GAREM1: variants seen among roughly 807,000 people sequenced by gnomAD.
GAREM1 encodes GRB2-associated and regulator of MAPK protein 1.
GAREM1 carries 26 observed loss-of-function variants against 71.3 expected under a neutral mutation model. The observed-to-expected ratio is 0.36, with a 90% CI of 0.27 to 0.51. The LOEUF (loss-of-function observed/expected upper bound fraction) is 0.51, where lower values mean the gene tolerates loss of function less well. GAREM1 is among the 20% of genes least tolerant of loss of function. The pLI, the probability that GAREM1 is intolerant of heterozygous loss-of-function variation, is 0.95. For missense variants in GAREM1, 1,026 were observed against 1,103.1 expected, an observed-to-expected ratio of 0.93 and a Z score of 0.99; for synonymous variants, 440 against 433.2, an observed-to-expected ratio of 1.02 and a Z score of -0.20.
At chr18:32,295,011 A>G (rs2047126480) in intron 3 of GAREM1, among the ~76,000 whole-genome samples, 1 of 152,116 alleles carries the variant, frequency 6.6e-6, no homozygotes, top group South Asian at 2.1e-4. Context: ...ATTTTAATAA[A>G]AATGTTGATT....
intron 2 of GAREM1, among the ~76,000 whole-genome samples, chr18:32,334,303 G>A (rs927253167): frequency 3.3e-5 from 5 of 151,972 alleles, no homozygotes; most frequent in East Asian, 1.9e-4. Flanking sequence ...AGATTCTACC[G>A]GCAACAGCTT....
At chr18:32,329,938 A>G (rs1198246234) in intron 2 of GAREM1, among the ~76,000 whole-genome samples, 1 of 152,108 alleles carries the variant, frequency 6.6e-6, no homozygotes, top group Non-Finnish European at 1.5e-5. Flanking sequence ...GCATGAGGAC[A>G]TTTGTGGCAG....
At chr18:32,460,278 A>G (rs2048943324) in intron 1 of GAREM1, among the ~76,000 whole-genome samples, 1 of 152,218 alleles carries the variant, frequency 6.6e-6, no homozygotes, top group South Asian at 2.1e-4. Context: ...ACCAAGCTTA[A>G]TCATAACAAT....
intron 2 of GAREM1, among the ~76,000 whole-genome samples, chr18:32,314,090 GTTT>G (rs59416892): frequency 7.0e-6 from 1 of 141,940 alleles, no homozygotes. Flanking sequence ...GACAAAAAAA[GTTT>G]TTTTTTTTTT....
intron 2 of GAREM1, among the ~76,000 whole-genome samples, chr18:32,318,688 G>C (rs912210580): frequency 7.9e-5 from 12 of 152,198 alleles, no homozygotes; most frequent in Admixed American, 7.9e-4. Flanking sequence ...GCCCTCTTTT[G>C]CAGCTGTAGT....
At chr18:32,384,186 T>C (rs531755519) in intron 2 of GAREM1, among the ~76,000 whole-genome samples, 82 of 152,176 alleles carry the variant, frequency 5.4e-4, no homozygotes, top group Non-Finnish European at 1.1e-3. Flanking sequence ...CTGGGAGCAA[T>C]CAGGTTTCCA....
Position 32,265,713 on chromosome 18 carries a change from C to T in GAREM1, c.*2158G>A, listed in dbSNP as rs1212453017. 4 of 151,962 alleles carry T rather than the reference C, an allele frequency of 2.6e-5. No homozygotes were observed. Among genetic ancestry groups the T allele is most frequent in the African/African-American group, 7.3e-5 (3 of 41,302 alleles). The allele number at this position is 151,962 out of a possible 1,614,324, so 9.4% of individuals were successfully genotyped here. A position where few individuals can be genotyped will look rare whatever the true frequency, so the allele number is the denominator to read the frequency against. ...AAAGTTTTTACAAAAAGAAAAAAAACGCTAAAAGGAGTCAGTTGTTTATGT... is the reference window on the plus strand; with the variant it reads ...AAAGTTTTTACAAAAAGAAAAAAAATGCTAAAAGGAGTCAGTTGTTTATGT... On this transcript the variant is annotated 3_prime_UTR_variant, in exon 6 of 6. Transcript: ENST00000269209.
chr18:32,311,153 G>T (rs1163539315), intron 2 of GAREM1, among the ~76,000 whole-genome samples: 2 of 152,154 alleles, frequency 1.3e-5, no homozygotes, highest in Non-Finnish European at 2.9e-5. Flanking sequence ...CTGTGACCCT[G>T]CTACAACATT....
chr18:32,286,321 A>AGTGTGTGTGT lies in GAREM1; in HGVS notation c.1566+700_1566+709dup, dbSNP rs140225815. 2.8e-3 allele frequency among the ~76,000 whole-genome samples: 398 copies of AGTGTGTGTGT among 143,222 alleles called. 3 individuals carry two copies. Among genetic ancestry groups the AGTGTGTGTGT allele is most frequent in the Non-Finnish European group, 3.7e-3 (241 of 64,508 alleles). The allele number at this position is 143,222 out of a possible 152,430, so 94.0% of individuals were successfully genotyped here. On this transcript the variant is annotated intron_variant, in intron 4 of 5. Transcript: ENST00000269209. ...GAACTACCCTGGCACCTGGTTCTGG[A>AGTGTGTGTGT]GTGTGTGTGTGTGTGTGTGTGTGTG...
chr18:32,413,503 G>C (rs1023562865), intron 1 of GAREM1, among the ~76,000 whole-genome samples: 2 of 152,048 alleles, frequency 1.3e-5, no homozygotes, highest in African/African-American at 4.8e-5. Context: ...GGGTTGCCCT[G>C]AAGACAGTGG....
chr18:32,311,364 C>T (rs2047320728), intron 2 of GAREM1, among the ~76,000 whole-genome samples: 1 of 152,144 alleles, frequency 6.6e-6, no homozygotes, highest in African/African-American at 2.4e-5. Context: ...AATTTTTTAG[C>T]ATCTACTAGG....
rs568622434 is a variant in GAREM1 at position 32,264,222 on chromosome 18, T to C, written c.*3649A>G. The stretch of plus-strand genomic sequence containing the variant: ...ACTTGAAAGATAGTGGAAATTGATA[T>C]AAGAGGCATGTTTCTGAAAGCCCCC... On this transcript the variant is annotated 3_prime_UTR_variant, in exon 6 of 6. Coordinates refer to ENST00000269209, the MANE Select transcript of GAREM1 (RefSeq NM_001242409.2). The C allele has an allele frequency of 2.2e-4, 33 of 152,354 alleles. No homozygotes were observed. The highest frequency in any genetic ancestry group is 7.9e-4 in the African/African-American group (33 of 41,582). The allele number at this position is 152,354 out of a possible 1,614,324, so 9.4% of individuals were successfully genotyped here. A position where few individuals can be genotyped will look rare whatever the true frequency, so the allele number is the denominator to read the frequency against.
rs2048991413 is a variant in GAREM1 at position 32,465,562 on chromosome 18, GTCTCC to G, written c.121+4741_121+4745del. On this transcript the variant is annotated intron_variant, in intron 1 of 5. Transcript: ENST00000269209. ...CTGCTCCTGTTCTACCTACTTAGCA[GTCTCC>G]TACTCTTTTTCTTCCCTCTCCCTGC... Among the ~76,000 whole-genome samples, 3 of 152,288 alleles carry G rather than the reference GTCTCC, an allele frequency of 2.0e-5. No individual in the cohort carries two copies. The South Asian group carries it at 6.2e-4, about 32-fold the overall frequency.
chr18:32,354,052 C>A (rs2047780818), intron 2 of GAREM1, among the ~76,000 whole-genome samples: 1 of 152,122 alleles, frequency 6.6e-6, no homozygotes, highest in African/African-American at 2.4e-5. Context: ...AGATAACATA[C>A]ATAAATAATT....
intron 1 of GAREM1, among the ~76,000 whole-genome samples, chr18:32,426,133 C>T (rs564245305): frequency 6.6e-6 from 1 of 152,326 alleles, no homozygotes; most frequent in Admixed American, 6.5e-5. Flanking sequence ...ATTCTCCCGC[C>T]TCAGCCTCCC....
chr18:32,468,960 T>TCCCCCCC (rs34977174), intron 1 of GAREM1, among the ~76,000 whole-genome samples: 510 of 82,078 alleles, frequency 6.2e-3, no homozygotes, highest in African/African-American at 7.7e-3. Context: ...CACCTGTGCG[T>TCCCCCCC]CCCCCCCCCC....
chr18:32,310,265 G>A lies in GAREM1; in HGVS notation c.321C>T (p.Asn107=), dbSNP rs1205007340. The A allele has an allele frequency of 2.5e-6, 4 of 1,614,090 alleles. No homozygotes were observed. In the South Asian group the frequency reaches 3.3e-5, roughly 13 times the overall value. ...ATGCCTTAGCCACCTCCTCCACACTGTTGAAATATTGCACTGGCTCCTTTA... is the reference window on the plus strand; with the variant it reads ...ATGCCTTAGCCACCTCCTCCACACTATTGAAATATTGCACTGGCTCCTTTA... The part of the protein sequence containing the change: ...RDIKEPVQYF[N]SVEEVAKAFP... The change falls in exon 3 of 6, where the codon AAC becomes AAT. Residue 107 remains asparagine, a synonymous_variant. Coordinates refer to ENST00000269209, the MANE Select transcript of GAREM1 (RefSeq NM_001242409.2).
intron 2 of GAREM1, among the ~76,000 whole-genome samples, chr18:32,341,840 G>T (rs1417741745): frequency 6.6e-6 from 1 of 152,000 alleles, no homozygotes; most frequent in Non-Finnish European, 1.5e-5. Context: ...GGAGAGAAGT[G>T]AATGGATTCC....
At chr18:32,336,127 A>T (rs886915577) in intron 2 of GAREM1, among the ~76,000 whole-genome samples, 2 of 152,132 alleles carry the variant, frequency 1.3e-5, no homozygotes, top group African/African-American at 4.8e-5. Context: ...GCCTGCCGGG[A>T]TGTTATAAAA....
Sources: gnomAD v4.1 joint callset for allele counts (sites outside exome capture counted in the v4.1 genomes callset) on GRCh38, gnomAD v4.1.1 for gene constraint, MANE v1.5 for transcripts, NCBI Gene and HGNC (gene_info 2026-07-23, HGNC 2026-07-21) for gene names.